SPOCK1: variants seen among roughly 807,000 people sequenced by gnomAD.
SPOCK1 encodes the protein testican-1.
A neutral mutation model predicts 55.3 loss-of-function variants in SPOCK1; 23 were observed. The observed-to-expected ratio is 0.42, with a 90% confidence interval of 0.30 to 0.59. The LOEUF is 0.59. Among genes scored for constraint, SPOCK1 ranks in the 20% least tolerant of loss-of-function variants. The probability of loss-of-function intolerance (pLI) is 0.22; values close to 1 mark genes in which losing one functional copy is unlikely to be tolerated. For synonymous variants in SPOCK1, 226 were observed against 221.0 expected (o/e 1.02, Z -0.20); for missense variants, 499 against 552.5 (o/e 0.90, Z 0.97).
chr5:137,112,774 GGA>G (rs1337723407), intron 4 of SPOCK1, among the ~76,000 whole-genome samples: 2 of 151,600 alleles, frequency 1.3e-5, no homozygotes, highest in Non-Finnish European at 2.9e-5. Context: ...CAAACCAGAT[GGA>G]CTGAGGAAAA....
At chr5:137,212,964 C>T (rs1199913897) in intron 3 of SPOCK1, among the ~76,000 whole-genome samples, 1 of 152,182 alleles carries the variant, frequency 6.6e-6, no homozygotes, top group Admixed American at 6.5e-5. Context: ...GGGGCAGGTG[C>T]TCAGCCAGGT....
chr5:137,316,147 A>C (rs1051452561), intron 2 of SPOCK1, among the ~76,000 whole-genome samples: 4 of 152,230 alleles, frequency 2.6e-5, no homozygotes, highest in African/African-American at 9.6e-5. Flanking sequence ...GTACCGTCCA[A>C]AGGGGAGGAA....
At chr5:137,092,239 T>G (rs1011807166) in intron 5 of SPOCK1, among the ~76,000 whole-genome samples, 2 of 152,212 alleles carry the variant, frequency 1.3e-5, no homozygotes, top group East Asian at 3.8e-4. Flanking sequence ...AAATACAAAA[T>G]TAATCTATAA....
chr5:137,217,798 T>C (rs1254376050), intron 3 of SPOCK1, among the ~76,000 whole-genome samples: 1 of 152,176 alleles, frequency 6.6e-6, no homozygotes, highest in Non-Finnish European at 1.5e-5. Flanking sequence ...CTTTTACTGA[T>C]GAGGAAATTA....
At chr5:137,086,461 G>A (rs1173693410) in intron 5 of SPOCK1, among the ~76,000 whole-genome samples, 1 of 152,182 alleles carries the variant, frequency 6.6e-6, no homozygotes, top group African/African-American at 2.4e-5. Context: ...TCTCAAACAT[G>A]AGGGCACAGG....
intron 2 of SPOCK1, among the ~76,000 whole-genome samples, chr5:137,420,463 C>T (rs1353717845): frequency 2.0e-5 from 3 of 152,152 alleles, no homozygotes; most frequent in Non-Finnish European, 4.4e-5. Flanking sequence ...TAATTATTGC[C>T]TCAATTTCAG....
intron 2 of SPOCK1, among the ~76,000 whole-genome samples, chr5:137,496,087 G>A (rs1373038752): frequency 3.3e-5 from 5 of 152,014 alleles, no homozygotes; most frequent in East Asian, 3.8e-4. Context: ...TTTTTGTTAT[G>A]TCTTGGACAT....
At chr5:137,062,560 A>AT (rs57794926) in intron 6 of SPOCK1, among the ~76,000 whole-genome samples, 7 of 149,688 alleles carry the variant, frequency 4.7e-5, no homozygotes, top group African/African-American at 1.7e-4. Flanking sequence ...AATAATAATA[A>AT]AGACAGCACC....
At chr5:137,315,142 A>C (rs1170138651) in intron 2 of SPOCK1, among the ~76,000 whole-genome samples, 1 of 152,192 alleles carries the variant, frequency 6.6e-6, no homozygotes, top group Non-Finnish European at 1.5e-5. Flanking sequence ...AACTAGAACT[A>C]TGTCAAGGAA....
At chr5:137,170,122 T>C (rs1168542444) in intron 3 of SPOCK1, among the ~76,000 whole-genome samples, 1 of 152,216 alleles carries the variant, frequency 6.6e-6, no homozygotes, top group African/African-American at 2.4e-5. Context: ...TGATGTAGTG[T>C]TTGCATATAA....
In SPOCK1 at chr5:137,301,636, C is replaced by CTTTTTTTTTTTTTTTTTTTT. The variant is rs34828127; in HGVS notation, c.187-34582_187-34581insAAAAAAAAAAAAAAAAAAAA. Reference sequence around the variant, plus strand: ...ACATACTCATTAAGCATTTCGTCTCCTTTTTTTTTTTTTTTTTTTGAGTAT... The same window carrying CTTTTTTTTTTTTTTTTTTTT: ...ACATACTCATTAAGCATTTCGTCTCCTTTTTTTTTTTTTTTTTTTTTTTTTTTTTTTTTTTTTTTGAGTAT... On this transcript the variant is annotated intron_variant, in intron 2 of 10. Transcript: ENST00000394945. Among the ~76,000 whole-genome samples, 27 of 129,798 alleles carry CTTTTTTTTTTTTTTTTTTTT rather than the reference C, an allele frequency of 2.1e-4. 10 individuals carry two copies. The highest frequency in any genetic ancestry group is 3.0e-4 in the Non-Finnish European group (19 of 62,760). 85.2% of individuals were successfully genotyped at this position (129,798 alleles called of 152,430 possible). A position where few individuals can be genotyped will look rare whatever the true frequency, so the allele number is the denominator to read the frequency against.
rs747142799 is a variant in SPOCK1, at chr5:137,384,576, A to ATATATATATATATATATATATATG, written c.186+113796_186+113797insCATATATATATATATATATATATA. ...TATACATACATACATATATATATAT[A>ATATATATATATATATATATATATG]TATGTATGTATTTTTTTTTCCCCCT... On this transcript the variant is annotated intron_variant, in intron 2 of 10. Transcript: ENST00000394945. 6.5e-3 allele frequency among the ~76,000 whole-genome samples: 908 copies of ATATATATATATATATATATATATG among 140,096 alleles called. 14 individuals carry two copies. The highest frequency in any genetic ancestry group is 0.024 in the African/African-American group (846 of 35,866). 91.9% of individuals were successfully genotyped at this position (140,096 alleles called of 152,430 possible).
intron 6 of SPOCK1, among the ~76,000 whole-genome samples, chr5:137,042,119 T>C (rs1306520999): frequency 1.3e-5 from 2 of 152,090 alleles, no homozygotes; most frequent in Non-Finnish European, 2.9e-5. Flanking sequence ...TATTCAGTGA[T>C]AAAAAAATAA....
intron 2 of SPOCK1, among the ~76,000 whole-genome samples, chr5:137,385,635 A>G (rs1751582616): frequency 6.6e-6 from 1 of 152,034 alleles, no homozygotes; most frequent in South Asian, 2.1e-4. Flanking sequence ...CACCATCCAC[A>G]CTCCTGCACA....
intron 4 of SPOCK1, among the ~76,000 whole-genome samples, chr5:137,133,966 G>A (rs901070170): frequency 1.5e-5 from 2 of 135,932 alleles, no homozygotes; most frequent in Non-Finnish European, 3.2e-5. Context: ...GGTGGGGGGG[G>A]TAGCGGGGGG....
chr5:137,110,278 A>G (rs1388090629), intron 5 of SPOCK1, among the ~76,000 whole-genome samples: 1 of 152,214 alleles, frequency 6.6e-6, no homozygotes, highest in Non-Finnish European at 1.5e-5. Context: ...GACCTATTAG[A>G]AGGGTTCTAT....
At chr5:137,398,745 T>G (rs1436956145) in intron 2 of SPOCK1, among the ~76,000 whole-genome samples, 2 of 152,248 alleles carry the variant, frequency 1.3e-5, no homozygotes, top group Non-Finnish European at 2.9e-5. Flanking sequence ...AATTTCTTCC[T>G]AGTTAAGTGA....
chr5:137,444,690 A>T (rs1203209555), intron 2 of SPOCK1, among the ~76,000 whole-genome samples: 2 of 152,186 alleles, frequency 1.3e-5, no homozygotes. Flanking sequence ...ACTTCTCCCC[A>T]GAGGAGATTG....
chr5:137,412,512 A>G (rs1032978025), intron 2 of SPOCK1, among the ~76,000 whole-genome samples: 2 of 152,228 alleles, frequency 1.3e-5, no homozygotes, highest in African/African-American at 4.8e-5. Context: ...ACTTTGGTTT[A>G]GGGAGGGACA....
Sources: gnomAD v4.1 joint callset for allele counts (sites outside exome capture counted in the v4.1 genomes callset) on GRCh38, gnomAD v4.1.1 for gene constraint, MANE v1.5 for transcripts, NCBI Gene and HGNC (gene_info 2026-07-23, HGNC 2026-07-21) for gene names.